ANKS3: variants seen among roughly 807,000 people sequenced by gnomAD.
ANKS3 encodes ankyrin repeat and sterile alpha motif domain containing 3.
In ANKS3, 62 loss-of-function variants were observed where a neutral mutation model predicts 80.7. The observed-to-expected ratio is 0.77, with a 90% CI of 0.63 to 0.95. The LOEUF (loss-of-function observed/expected upper bound fraction) is 0.95, where lower values mean the gene tolerates loss of function less well. Ranked by LOEUF, ANKS3 falls within the 40% of genes least tolerant of loss-of-function variation. ANKS3 has a pLI of 0.00. For synonymous variants in ANKS3, 489 were observed against 355.3 expected (o/e 1.38, Z -4.23); for missense variants, 1,150 against 883.6 (o/e 1.30, Z -3.82).
chr16:4,724,786 A>G lies in ANKS3; in HGVS notation c.537T>C (p.Ala179=). The change falls in exon 6 of 18, where the codon GCT becomes GCC. Residue 179 remains alanine, a synonymous_variant. Transcript: ENST00000304283. ...GFTPLMEAAA[A]GHEIIVQYFL... is the part of the protein sequence containing the mutation. Reference sequence around the variant, plus strand: ...AATACTGCACGATTATCTCATGGCCAGCAGCAGCTGCTTCCATCAAGGGAG... The same window carrying G: ...AATACTGCACGATTATCTCATGGCCGGCAGCAGCTGCTTCCATCAAGGGAG... 6.2e-7 allele frequency: 1 copy of G among 1,614,126 alleles called. No homozygotes were observed. Among genetic ancestry groups the G allele is most frequent in the East Asian group, 2.2e-5 (1 of 44,884 alleles).
At chr16:4,704,039 C>A (rs1264085018) in intron 8 of ANKS3, among the ~76,000 whole-genome samples, 1 of 152,206 alleles carries the variant, frequency 6.6e-6, no homozygotes, top group Non-Finnish European at 1.5e-5. Flanking sequence ...ACGACCAGCC[C>A]GGTGTCCCAG....
chr16:4,708,613 A>T (rs906115016), intron 7 of ANKS3, among the ~76,000 whole-genome samples: 7 of 152,186 alleles, frequency 4.6e-5, no homozygotes, highest in South Asian at 2.1e-4. Context: ...TCCACTAAAC[A>T]GACAAAGTAC....
At chr16:4,722,102 G>C (rs1044597784) in intron 6 of ANKS3, among the ~76,000 whole-genome samples, 5 of 151,364 alleles carry the variant, frequency 3.3e-5, no homozygotes, top group Non-Finnish European at 5.9e-5. Flanking sequence ...TGGGGGACAG[G>C]CCTGCGGTGC....
At chr16:4,701,831 C>A (rs2079924475) in intron 9 of ANKS3, 2 of 500,612 alleles carry the variant, frequency 4.0e-6, no homozygotes, top group Non-Finnish European at 7.0e-6. Context: ...AACAGACATT[C>A]CTACTGGGGC....
At chr16:4,697,249 A>C in intron 16 of ANKS3, 84 bp downstream of exon 16, 1 of 1,545,432 alleles carries the variant, frequency 6.5e-7, no homozygotes, top group Non-Finnish European at 8.9e-7. Context: ...AGAGAGACAC[A>C]AACCCGCTTT....
Position 4,705,237 on chromosome 16 carries a change from C to G in ANKS3, c.726G>C (p.Leu242=). Residue 242 remains leucine, a synonymous_variant, in exon 8 of 18, where the codon CTG becomes CTC. Coordinates refer to ENST00000304283, the MANE Select transcript of ANKS3 (RefSeq NM_133450.4). Reference sequence around the variant, plus strand: ...CAGGGCAGGACTCGTCAGAAGAGCTCAGATCTTCGTACTTTTCTGTGATCA... The same window carrying G: ...CAGGGCAGGACTCGTCAGAAGAGCTGAGATCTTCGTACTTTTCTGTGATCA... ...LYRSPEKYED[L]SSSDESCPAP... The G allele has an allele frequency of 1.2e-6, 2 of 1,613,918 alleles. No homozygotes were observed. Among genetic ancestry groups the G allele is most frequent in the Non-Finnish European group, 1.7e-6 (2 of 1,179,994 alleles).
chr16:4,698,883 G>C lies in ANKS3; in HGVS notation c.1468C>G (p.Arg490Gly). ...SAIARWHSSA[R>G]PPGDALELAY... ...AGCTCCAGGGCATCCCCGGGTGGGC[G>C]GGCACTGCTGTGCCAGCGGGCAATG... The change falls in exon 13 of 18, where the codon CGC becomes GGC. Residue 490 changes from arginine to glycine, a missense_variant. Coordinates refer to ENST00000304283, the MANE Select transcript of ANKS3 (RefSeq NM_133450.4). 5.6e-6 allele frequency: 9 copies of C among 1,600,546 alleles called. No homozygotes were observed. Among genetic ancestry groups the C allele is most frequent in the Non-Finnish European group, 6.8e-6 (8 of 1,172,764 alleles).
intron 3 of ANKS3, chr16:4,729,371 T>C (rs2081512499): frequency 1.3e-5 from 2 of 152,240 alleles, no homozygotes; most frequent in South Asian, 2.1e-4. Context: ...TTTCTTTTTT[T>C]TGTTTTTGAG....
chr16:4,709,240 C>G (rs1001372212), intron 7 of ANKS3, among the ~76,000 whole-genome samples: 4 of 151,618 alleles, frequency 2.6e-5, no homozygotes, highest in Admixed American at 2.6e-4. Context: ...AACCCTGTCT[C>G]TCCCAAAAAT....
At chr16:4,730,649 T>C (rs1472908183) in intron 2 of ANKS3, among the ~76,000 whole-genome samples, 1 of 152,082 alleles carries the variant, frequency 6.6e-6, no homozygotes, top group Non-Finnish European at 1.5e-5. Flanking sequence ...GGCAGATCAC[T>C]TGAGGTCAAG....
At chr16:4,708,740 C>T (rs2080332528) in intron 7 of ANKS3, among the ~76,000 whole-genome samples, 1 of 151,780 alleles carries the variant, frequency 6.6e-6, no homozygotes, top group Admixed American at 6.6e-5. Context: ...CGAGACCATC[C>T]TGGCTAACAC....
rs1410564477 is a variant in ANKS3, at chr16:4,698,274, G to A, written c.1724+153C>T. On this transcript the variant is annotated intron_variant, in intron 14 of 17. Transcript: ENST00000304283. ...AACTCCTGCCTGGGTCTGCCTGCAG[G>A]AAGGAAGGGCCTGATGAAATGGGGG... is the stretch of plus-strand genomic sequence containing the variant. The A allele has an allele frequency of 3.2e-6, 4 of 1,232,060 alleles. No individual in the cohort carries two copies. In the Admixed American group the frequency reaches 8.7e-5, roughly 27 times the overall value. 76.3% of individuals were successfully genotyped at this position (1,232,060 alleles called of 1,614,324 possible). A position where few individuals can be genotyped will look rare whatever the true frequency, so the allele number is the denominator to read the frequency against.
chr16:4,726,671 T>C lies in ANKS3; in HGVS notation c.479A>G (p.Asn160Ser), dbSNP rs759255466. ...ATGTGGCAATCACCTCACGTTGGCATTGGCTCCACTGTCCAAGAGGAACCT... is the reference window on the plus strand; with the variant it reads ...ATGTGGCAATCACCTCACGTTGGCACTGGCTCCACTGTCCAAGAGGAACCT... Reference protein sequence around the residue: ...MVRFLLDSGANANVREPICGF... With the variant: ...MVRFLLDSGASANVREPICGF... The change falls in exon 5 of 18, where the codon AAT becomes AGT. Residue 160 changes from asparagine (N) to serine (S), a missense_variant. Physicochemically the swap from Asn to Ser is conservative, Grantham distance 46. Transcript: ENST00000304283. 5 of 1,613,662 alleles carry C rather than the reference T, an allele frequency of 3.1e-6. No individual in the cohort carries two copies. The highest frequency in any genetic ancestry group is 2.7e-5 in the African/African-American group (2 of 74,930).
intron 3 of ANKS3, among the ~76,000 whole-genome samples, chr16:4,728,882 A>G (rs965097087): frequency 1.3e-5 from 2 of 152,136 alleles, no homozygotes; most frequent in African/African-American, 2.4e-5. Context: ...ACCCTGTACC[A>G]AGGTGCACCA....
Position 4,698,471 on chromosome 16 carries a change from C to A in ANKS3, c.1680G>T (p.Thr560=), listed in dbSNP as rs779663025. Residue 560 remains threonine, a synonymous_variant, in exon 14 of 18, where the codon ACG becomes ACT. Transcript: ENST00000304283. The stretch of plus-strand genomic sequence containing the variant: ...GGGCAGCATCCCGGGCCAGGGCCCA[C>A]GTCTCCCGCAGCCGGGCCTGGAGGT... ...REDLQARLRE[T]WALARDAALV... 5 of 1,546,856 alleles carry A rather than the reference C, an allele frequency of 3.2e-6. No individual in the cohort carries two copies. In the African/African-American group the frequency reaches 5.4e-5, roughly 17 times the overall value.
intron 6 of ANKS3, among the ~76,000 whole-genome samples, chr16:4,716,949 A>T (rs1216577778): frequency 6.6e-6 from 1 of 152,020 alleles, no homozygotes; most frequent in Non-Finnish European, 1.5e-5. Flanking sequence ...AATAATTTAT[A>T]AGCTGGGCAC....
intron 5 of ANKS3, among the ~76,000 whole-genome samples, chr16:4,726,250 A>G (rs914392926): frequency 6.6e-6 from 1 of 152,224 alleles, no homozygotes; most frequent in Non-Finnish European, 1.5e-5. Flanking sequence ...AGCTGGGATC[A>G]CAGGCGTGAG....
intron 11 of ANKS3, chr16:4,700,641 C>G: frequency 2.3e-6 from 1 of 428,648 alleles, no homozygotes; most frequent in Non-Finnish European, 4.4e-6. Flanking sequence ...TAGTTCCTGT[C>G]TCTGCTTCAA....
chr16:4,714,245 G>A (rs1053954482), intron 6 of ANKS3, 59 bp from the exon 7 acceptor site: 9 of 1,596,624 alleles, frequency 5.6e-6, no homozygotes, highest in Middle Eastern at 1.7e-4. Context: ...TGCCCTTCCT[G>A]GGCTGCTGGC....
Sources: gnomAD v4.1 joint callset for allele counts (sites outside exome capture counted in the v4.1 genomes callset) on GRCh38, gnomAD v4.1.1 for gene constraint, MANE v1.5 for transcripts, NCBI Gene and HGNC (gene_info 2026-07-23, HGNC 2026-07-21) for gene names.